The following MEF2C variants were observed in gnomAD, a reference collection of about 807,000 sequenced individuals.
The protein encoded by MEF2C is myocyte enhancer factor 2C.
MEF2C carries 6 observed loss-of-function variants against 50.5 expected under a neutral mutation model. The observed-to-expected ratio is 0.12, with a 90% CI of 0.07 to 0.23. The LOEUF (loss-of-function observed/expected upper bound fraction) is 0.23. Among genes scored for constraint, MEF2C ranks in the 10% least tolerant of loss-of-function variants. The pLI, the probability that MEF2C is intolerant of heterozygous loss-of-function variation, is 1.00. For synonymous variants in MEF2C, 183 were observed against 228.0 expected (o/e 0.80, Z 1.78); for missense variants, 276 against 605.0 (o/e 0.46, Z 5.70).
chr5:88,777,905 T>C (rs1486837588), intron 3 of MEF2C, among the ~76,000 whole-genome samples: 2 of 133,988 alleles, frequency 1.5e-5, no homozygotes, highest in African/African-American at 2.8e-5. Context: ...TTTTCTTTTT[T>C]TTTTTTTTTT....
intron 6 of MEF2C, among the ~76,000 whole-genome samples, chr5:88,745,495 C>T (rs1269215333): frequency 3.9e-5 from 6 of 152,162 alleles, no homozygotes; most frequent in East Asian, 3.9e-4. Flanking sequence ...TGCCAAGTGG[C>T]GGCACAGTGT....
intron 10 of MEF2C, among the ~76,000 whole-genome samples, chr5:88,727,349 G>A (rs574541342): frequency 3.3e-5 from 5 of 152,236 alleles, no homozygotes; most frequent in African/African-American, 7.2e-5. Flanking sequence ...AGTGATTAGC[G>A]GGTAGGATGA....
At chr5:88,903,760 A>G (rs1459064984) in intron 1 of MEF2C, among the ~76,000 whole-genome samples, 1 of 152,190 alleles carries the variant, frequency 6.6e-6, no homozygotes, top group Non-Finnish European at 1.5e-5. Context: ...TAACAGCTTT[A>G]CTTTCACACA....
chr5:88,743,343 T>A, intron 6 of MEF2C: 1 of 985,366 alleles, frequency 1.0e-6, no homozygotes, highest in Non-Finnish European at 1.2e-6. Context: ...AAGTAAGAAT[T>A]GCAGAGAAGT....
chr5:88,865,623 C>T (rs1394239238), intron 1 of MEF2C, among the ~76,000 whole-genome samples: 4 of 152,066 alleles, frequency 2.6e-5, no homozygotes, highest in East Asian at 1.9e-4. Context: ...AGTCTTAGAG[C>T]GTGCTTTACA....
chr5:88,756,800 T>G (rs185493770), intron 4 of MEF2C, among the ~76,000 whole-genome samples: 3,015 of 148,662 alleles, frequency 0.02, 43 homozygotes, highest in Non-Finnish European at 0.032. Context: ...TTTTTTTTTT[T>G]GTCTAAAAAA....
chr5:88,760,932 A>G, intron 4 of MEF2C: 2 of 1,550,102 alleles, frequency 1.3e-6, no homozygotes, highest in Admixed American at 2.0e-5. Flanking sequence ...TGAGAGGGTT[A>G]AGGTATGTTA....
At chr5:88,884,214 C>T (rs1458017522), upstream of MEF2C, 1 of 152,230 alleles carries the variant, frequency 6.6e-6, no homozygotes, top group Non-Finnish European at 1.5e-5. Flanking sequence ...CGGGATCTTT[C>T]CTCTGACCAA....
At chr5:88,781,948 G>A (rs962669680) in intron 3 of MEF2C, 5 of 202,804 alleles carry the variant, frequency 2.5e-5, no homozygotes, top group African/African-American at 1.2e-4. Context: ...ACTCCAGCCT[G>A]GGCAACAGAG....
chr5:88,742,660 A>G, intron 6 of MEF2C: 4 of 985,364 alleles, frequency 4.1e-6, no homozygotes, highest in Non-Finnish European at 4.8e-6. Context: ...AATGAAGTCA[A>G]ACCAAAGGGG....
intron 1 of MEF2C, among the ~76,000 whole-genome samples, chr5:88,868,904 A>G (rs1828251115): frequency 6.6e-6 from 1 of 152,148 alleles, no homozygotes; most frequent in Admixed American, 6.6e-5. Context: ...CTATGTTCAC[A>G]TCGTCAAAAA....
intron 4 of MEF2C, chr5:88,760,888 T>C: frequency 7.5e-7 from 1 of 1,335,474 alleles, no homozygotes; most frequent in East Asian, 2.4e-5. Flanking sequence ...TTTATCTGTT[T>C]GACTTTCCGA....
rs1300469519 is a variant in MEF2C at position 88,719,114 on chromosome 5, G to A, written c.*3490C>T. On this transcript the variant is annotated 3_prime_UTR_variant, in exon 11 of 11. Coordinates refer to ENST00000504921, the MANE Select transcript of MEF2C (RefSeq NM_002397.5). The stretch of plus-strand genomic sequence containing the variant: ...CAACAAAATAAAGAGGGCAAAAAAT[G>A]CTATCTCTAAGTTAAAAGATGGGTA... 2.0e-5 allele frequency: 3 copies of A among 152,174 alleles called. No homozygotes were observed. Among genetic ancestry groups the A allele is most frequent in the African/African-American group, 7.2e-5 (3 of 41,458 alleles). The allele number at this position is 152,174 out of a possible 1,614,324, so 9.4% of individuals were successfully genotyped here. A position where few individuals can be genotyped will look rare whatever the true frequency, so the allele number is the denominator to read the frequency against.
At chr5:88,740,057 C>T (rs1765876884) in intron 6 of MEF2C, 1 of 985,276 alleles carries the variant, frequency 1.0e-6, no homozygotes, top group Non-Finnish European at 1.2e-6. Context: ...CAAGACTATA[C>T]CAAAGCCAAG....
chr5:88,839,351 C>CTCTCTCTCTCTCTCTATCTA (rs10694803), intron 1 of MEF2C: 7 of 146,400 alleles, frequency 4.8e-5, no homozygotes, highest in African/African-American at 1.0e-4. Context: ...CTCTCTCTCT[C>CTCTCTCTCTCTCTCTATCTA]TCTATCTATC....
At chr5:88,824,562 G>A (rs1809998121) in intron 1 of MEF2C, among the ~76,000 whole-genome samples, 1 of 151,834 alleles carries the variant, frequency 6.6e-6, no homozygotes, top group Non-Finnish European at 1.5e-5. Flanking sequence ...TATCAGCAGT[G>A]AGATCTTTTC....
At chr5:88,797,454 CCTTTTTTTTT>C (rs1445530633) in intron 3 of MEF2C, among the ~76,000 whole-genome samples, 1 of 25,242 alleles carries the variant, frequency 4.0e-5, no homozygotes, top group Non-Finnish European at 9.3e-5. Context: ...GCAACCCTTG[CCTTTTTTTTT>C]TTTTTTTTTT....
At chr5:88,775,758 T>A in intron 3 of MEF2C, 1 of 945,096 alleles carries the variant, frequency 1.1e-6, no homozygotes, top group Middle Eastern at 5.4e-4. Flanking sequence ...AGGTGTGCAT[T>A]GTCACCTTGG....
chr5:88,728,970 A>T (rs768289680), intron 9 of MEF2C, among the ~76,000 whole-genome samples: 8 of 152,194 alleles, frequency 5.3e-5, no homozygotes, highest in Non-Finnish European at 1.0e-4. Flanking sequence ...ACATCAAAGA[A>T]ACAGCTCAAT....
Sources: gnomAD v4.1 joint callset for allele counts (sites outside exome capture counted in the v4.1 genomes callset) on GRCh38, gnomAD v4.1.1 for gene constraint, MANE v1.5 for transcripts, NCBI Gene and HGNC (gene_info 2026-07-23, HGNC 2026-07-21) for gene names.